The following RIMS2 variants were observed in gnomAD, a reference collection of about 807,000 sequenced individuals.
RIMS2 encodes regulating synaptic membrane exocytosis protein 2.
Under a neutral mutation model 174.4 loss-of-function variants are expected in RIMS2, and 59 were observed. That is an observed-to-expected ratio of 0.34 (90% CI 0.27 to 0.42). The LOEUF (loss-of-function observed/expected upper bound fraction) is 0.42, where lower values mean the gene tolerates loss of function less well. RIMS2 is among the 10% of genes least tolerant of loss of function. The probability of loss-of-function intolerance (pLI) is 1.00; values close to 1 mark genes in which losing one functional copy is unlikely to be tolerated. For synonymous variants in RIMS2, 606 were observed against 572.5 expected (o/e 1.06, Z -0.84); for missense variants, 1,620 against 1,666.3 (o/e 0.97, Z 0.48).
At chr8:104,039,327 T>C (rs1027250943) in intron 19 of RIMS2, among the ~76,000 whole-genome samples, 3 of 151,774 alleles carry the variant, frequency 2.0e-5, no homozygotes, top group Non-Finnish European at 4.4e-5. Context: ...TATTTCTGGC[T>C]CTGCAACTGA....
At chr8:103,693,457 A>G (rs2097058385) in intron 1 of RIMS2, among the ~76,000 whole-genome samples, 2 of 152,042 alleles carry the variant, frequency 1.3e-5, no homozygotes, top group African/African-American at 4.8e-5. Flanking sequence ...CTCTTCCACC[A>G]TCTTCTTATT....
intron 1 of RIMS2, among the ~76,000 whole-genome samples, chr8:103,643,329 C>A (rs935137770): frequency 2.6e-5 from 4 of 152,118 alleles, no homozygotes; most frequent in African/African-American, 9.6e-5. Flanking sequence ...CTACGTTTTA[C>A]ATTGGAACTC....
intron 19 of RIMS2, among the ~76,000 whole-genome samples, chr8:104,080,815 A>T (rs535900784): frequency 3.3e-5 from 5 of 152,180 alleles, no homozygotes; most frequent in East Asian, 3.9e-4. Context: ...TTTATTAAAC[A>T]TTTGGAAATT....
chr8:103,985,848 A>G (rs377533715), intron 16 of RIMS2, among the ~76,000 whole-genome samples: 1 of 152,216 alleles, frequency 6.6e-6, no homozygotes, highest in East Asian at 1.9e-4. Context: ...GCATTATGTT[A>G]GGTGAAATAA....
At chr8:103,812,331 G>GTTTT (rs71575985) in intron 3 of RIMS2, among the ~76,000 whole-genome samples, 3,438 of 110,588 alleles carry the variant, frequency 0.031, 173 homozygotes, top group East Asian at 0.059. Flanking sequence ...TTATTACCTT[G>GTTTT]TTTTTTTTTT....
intron 19 of RIMS2, among the ~76,000 whole-genome samples, chr8:104,179,028 A>C (rs2098923663): frequency 6.6e-6 from 1 of 152,176 alleles, no homozygotes; most frequent in South Asian, 2.1e-4. Flanking sequence ...GAATATCAAG[A>C]TAATGAGCAA....
intron 1 of RIMS2, among the ~76,000 whole-genome samples, chr8:103,627,307 C>T (rs2095809990): frequency 6.6e-6 from 1 of 152,316 alleles, no homozygotes; most frequent in African/African-American, 2.4e-5. Flanking sequence ...TGGTTATCTT[C>T]CCTTGTTCCC....
intron 1 of RIMS2, chr8:103,559,446 G>C (rs2091224516): frequency 2.9e-6 from 1 of 345,050 alleles, no homozygotes; most frequent in African/African-American, 2.3e-5. Context: ...AGAGAGTTCA[G>C]GGACTCTGGT....
rs151332210 is a variant in RIMS2 at position 103,832,810 on chromosome 8, A to C, written c.699-52488A>C. The stretch of plus-strand genomic sequence containing the variant: ...TAGTTCTTATTGGTTGCACTTTCAC[A>C]ATCTATTTACAATCATTCACAATCT... On this transcript the variant is annotated intron_variant, in intron 3 of 23. Coordinates refer to ENST00000504942, the Ensembl canonical transcript of RIMS2. Among the ~76,000 whole-genome samples the C allele has an allele frequency of 6.1e-3, 931 of 152,308 alleles. 11 individuals carry two copies. Among genetic ancestry groups the C allele is most frequent in the African/African-American group, 0.021 (881 of 41,566 alleles).
At chr8:103,583,125 A>T (rs2093708292) in intron 1 of RIMS2, among the ~76,000 whole-genome samples, 1 of 152,214 alleles carries the variant, frequency 6.6e-6, no homozygotes, top group Admixed American at 6.5e-5. Context: ...GAAAGACAAG[A>T]GAACAGAGTC....
chr8:103,699,320 G>A (rs2097142177), intron 2 of RIMS2, among the ~76,000 whole-genome samples: 1 of 152,062 alleles, frequency 6.6e-6, no homozygotes, highest in Admixed American at 6.5e-5. Flanking sequence ...TTGACCCCCT[G>A]GGCTCAGGTA....
intron 3 of RIMS2, among the ~76,000 whole-genome samples, chr8:103,831,604 C>T (rs1200517034): frequency 1.3e-5 from 2 of 152,156 alleles, no homozygotes; most frequent in East Asian, 1.9e-4. Flanking sequence ...GATATGAAAT[C>T]TAATTTTTGT....
At chr8:103,571,918 C>CT (rs1251035561) in intron 1 of RIMS2, among the ~76,000 whole-genome samples, 4 of 152,166 alleles carry the variant, frequency 2.6e-5, no homozygotes, top group Admixed American at 2.0e-4. Flanking sequence ...TAATAGTTCC[C>CT]TCACATATTT....
At chr8:104,075,738 G>A (rs2097276123) in intron 19 of RIMS2, among the ~76,000 whole-genome samples, 1 of 152,130 alleles carries the variant, frequency 6.6e-6, no homozygotes, top group African/African-American at 2.4e-5. Context: ...CTGCTGATAT[G>A]GGAGCATAAG....
chr8:104,190,033 G>A (rs1347400269), intron 19 of RIMS2, among the ~76,000 whole-genome samples: 2 of 152,018 alleles, frequency 1.3e-5, no homozygotes, highest in Non-Finnish European at 2.9e-5. Context: ...TTACAGCATG[G>A]TGGCTCATGT....
chr8:104,073,175 A>G (rs532778047), intron 19 of RIMS2, among the ~76,000 whole-genome samples: 19 of 152,348 alleles, frequency 1.2e-4, no homozygotes, highest in African/African-American at 4.3e-4. Flanking sequence ...TGTGAGTTAT[A>G]TAATGATAAA....
intron 3 of RIMS2, among the ~76,000 whole-genome samples, chr8:103,878,953 A>T (rs2099154878): frequency 6.6e-6 from 1 of 151,770 alleles, no homozygotes; most frequent in African/African-American, 2.4e-5. Context: ...TAAGATTACA[A>T]TTATTCTCAT....
In RIMS2 at chr8:103,570,842, T is replaced by A. The variant is rs191551769; in HGVS notation, c.176+69780T>A. ...TTTAATAAGTAGGGAGAACTCAATATTTCCAGATAAAGTTTGCAATTAAAA... is the reference window on the plus strand; with the variant it reads ...TTTAATAAGTAGGGAGAACTCAATAATTCCAGATAAAGTTTGCAATTAAAA... On this transcript the variant is annotated intron_variant, in intron 1 of 23. Transcript: ENST00000504942. Among the ~76,000 whole-genome samples the A allele has an allele frequency of 2.3e-3, 347 of 152,268 alleles. 3 individuals are homozygous for A. Among genetic ancestry groups the A allele is most frequent in the Non-Finnish European group, 3.7e-3 (250 of 68,020 alleles).
At chr8:103,757,896 G>A (rs1055053823) in intron 2 of RIMS2, among the ~76,000 whole-genome samples, 3 of 152,216 alleles carry the variant, frequency 2.0e-5, no homozygotes, top group African/African-American at 7.2e-5. Flanking sequence ...TGCCAGAGGA[G>A]ACAAGGAACT....
Sources: allele counts gnomAD v4.1 joint callset (sites outside exome capture counted in the v4.1 genomes callset), GRCh38; gene constraint gnomAD v4.1.1; transcripts MANE v1.5; gene names NCBI Gene and HGNC (gene_info 2026-07-23, HGNC 2026-07-21).